The following LAPTM4B variants were observed in gnomAD, a reference collection of about 807,000 sequenced individuals.
LAPTM4B encodes the protein lysosomal-associated transmembrane protein 4B.
A neutral mutation model predicts 28.5 loss-of-function variants in LAPTM4B; 26 were observed. The observed-to-expected ratio is 0.91, with a 90% CI of 0.67 to 1.27. The LOEUF (loss-of-function observed/expected upper bound fraction) is 1.27, where lower values mean the gene tolerates loss of function less well. LAPTM4B is among the 50% of genes most tolerant of loss of function. The probability of loss-of-function intolerance (pLI) is 0.00; values close to 1 mark genes in which losing one functional copy is unlikely to be tolerated. For synonymous variants in LAPTM4B, 109 were observed against 106.4 expected (o/e 1.02, Z -0.15); for missense variants, 288 against 285.8 (o/e 1.01, Z -0.06).
intron 5 of LAPTM4B, among the ~76,000 whole-genome samples, chr8:97,823,432 T>C (rs1160152555): frequency 2.0e-5 from 3 of 149,678 alleles, no homozygotes; most frequent in African/African-American, 4.9e-5. Flanking sequence ...TGGAGTGCAG[T>C]GGCGCAATCT....
In LAPTM4B at chr8:97,816,072, G is replaced by T. The variant is rs1816908189; in HGVS notation, c.300G>T (p.Trp100Cys). Residue 100 changes from tryptophan to cysteine, a missense_variant, in exon 4 of 7, where the codon TGG (tryptophan) becomes TGT (cysteine). Trp to Cys is a radical substitution (Grantham distance 215). Transcript: ENST00000521545. ...GTTCTGTTTAGCAACGCGCAGCCTG[G>T]ATCATCCCATTCTTCTGTTACCAGA... The part of the protein sequence containing the change: ...TYGAYKQRAA[W>C]IIPFFCYQIF... The T allele has an allele frequency of 5.6e-6, 9 of 1,612,898 alleles. No homozygotes were observed. The highest frequency in any genetic ancestry group is 1.3e-5 in the African/African-American group (1 of 74,982).
intron 2 of LAPTM4B, among the ~76,000 whole-genome samples, chr8:97,808,394 G>C (rs1192226191): frequency 6.6e-6 from 1 of 151,880 alleles, no homozygotes; most frequent in East Asian, 2.0e-4. Context: ...TTTGCAGTGA[G>C]CCGAGATCGC....
chr8:97,778,220 C>T (rs1816257291), intron 1 of LAPTM4B, among the ~76,000 whole-genome samples: 1 of 151,942 alleles, frequency 6.6e-6, no homozygotes, highest in Admixed American at 6.6e-5. Flanking sequence ...TTAGGTAAAC[C>T]CTATTTCTGG....
At chr8:97,839,856 G>C (rs1817318197) in intron 6 of LAPTM4B, among the ~76,000 whole-genome samples, 2 of 152,228 alleles carry the variant, frequency 1.3e-5, no homozygotes, top group Non-Finnish European at 2.9e-5. Context: ...TTGTAGGAAA[G>C]GTTTCTGGGA....
At chr8:97,835,320 A>G (rs1817243990) in intron 6 of LAPTM4B, among the ~76,000 whole-genome samples, 1 of 152,130 alleles carries the variant, frequency 6.6e-6, no homozygotes, top group Non-Finnish European at 1.5e-5. Context: ...CAGTATACAT[A>G]TTATTATCCA....
At chr8:97,783,913 C>T (rs1816363599) in intron 1 of LAPTM4B, among the ~76,000 whole-genome samples, 1 of 152,176 alleles carries the variant, frequency 6.6e-6, no homozygotes, top group Non-Finnish European at 1.5e-5. Context: ...CCGTTTCTTG[C>T]TGTTGATCTA....
chr8:97,848,879 A>G (rs1028506820), intron 6 of LAPTM4B, among the ~76,000 whole-genome samples: 3 of 152,168 alleles, frequency 2.0e-5, no homozygotes, highest in East Asian at 3.8e-4. Flanking sequence ...CCTAAAGTCA[A>G]ATATGCACAC....
chr8:97,812,191 G>A (rs182422280), intron 2 of LAPTM4B, among the ~76,000 whole-genome samples: 144 of 146,768 alleles, frequency 9.8e-4, no homozygotes, highest in African/African-American at 3.3e-3. Context: ...TAAAGGATAA[G>A]TAAATTAATT....
At chr8:97,821,325 CA>C (rs35900717) in intron 5 of LAPTM4B, among the ~76,000 whole-genome samples, 2 of 149,964 alleles carry the variant, frequency 1.3e-5, no homozygotes, top group African/African-American at 2.5e-5. Flanking sequence ...GACTCCATCT[CA>C]AAAAAAAATA....
At chr8:97,826,661 A>G (rs1438656825) in intron 6 of LAPTM4B, among the ~76,000 whole-genome samples, 6 of 152,074 alleles carry the variant, frequency 3.9e-5, no homozygotes, top group African/African-American at 1.4e-4. Context: ...GGTGCCCACC[A>G]CCACGCCCGG....
intron 1 of LAPTM4B, among the ~76,000 whole-genome samples, chr8:97,778,310 T>C (rs1217861708): frequency 1.3e-5 from 2 of 152,026 alleles, no homozygotes; most frequent in East Asian, 1.9e-4. Flanking sequence ...TTTCTTTTCT[T>C]TCTTTTTTTT....
At chr8:97,782,040 G>A (rs972858279) in intron 1 of LAPTM4B, among the ~76,000 whole-genome samples, 2 of 150,132 alleles carry the variant, frequency 1.3e-5, no homozygotes, top group Non-Finnish European at 3.0e-5. Flanking sequence ...GAGTGCAATG[G>A]TGCGATCTCG....
chr8:97,782,279 C>CT (rs34322160), intron 1 of LAPTM4B, among the ~76,000 whole-genome samples: 7,970 of 50,260 alleles, frequency 0.16, 2,219 homozygotes, highest in East Asian at 0.57. Context: ...CCATGCCCAG[C>CT]TTTTTTTTTT....
At chr8:97,777,678 G>C (rs904811125) in intron 1 of LAPTM4B, among the ~76,000 whole-genome samples, 1 of 152,214 alleles carries the variant, frequency 6.6e-6, no homozygotes, top group African/African-American at 2.4e-5. Context: ...TTTTTGGCGT[G>C]AAAGTATTTC....
At chr8:97,846,746 G>A (rs1353035819) in intron 6 of LAPTM4B, among the ~76,000 whole-genome samples, 1 of 152,090 alleles carries the variant, frequency 6.6e-6, no homozygotes. Context: ...AAATAGAGAT[G>A]GAGTCTTGCT....
chr8:97,843,019 C>T (rs1408354942), intron 6 of LAPTM4B, among the ~76,000 whole-genome samples: 1 of 152,002 alleles, frequency 6.6e-6, no homozygotes, highest in Non-Finnish European at 1.5e-5. Flanking sequence ...GCTGGGACTA[C>T]AGGCATATGC....
chr8:97,781,172 G>A (rs1178471125), intron 1 of LAPTM4B, among the ~76,000 whole-genome samples: 1 of 150,850 alleles, frequency 6.6e-6, no homozygotes, highest in African/African-American at 2.4e-5. Context: ...GTAGAGATGG[G>A]GTTTCCCCAT....
At chr8:97,811,069 G>A (rs139957214) in intron 2 of LAPTM4B, among the ~76,000 whole-genome samples, 6 of 152,286 alleles carry the variant, frequency 3.9e-5, no homozygotes, top group East Asian at 1.9e-4. Flanking sequence ...GTAAATTACC[G>A]TGCCCCTTCA....
intron 1 of LAPTM4B, among the ~76,000 whole-genome samples, chr8:97,804,295 G>T (rs1349145940): frequency 5.9e-5 from 9 of 152,180 alleles, no homozygotes; most frequent in Non-Finnish European, 1.2e-4. Flanking sequence ...AAGTTAATAT[G>T]TGTGTGTATT....
Sources: gnomAD v4.1 joint callset for allele counts (sites outside exome capture counted in the v4.1 genomes callset) on GRCh38, gnomAD v4.1.1 for gene constraint, MANE v1.5 for transcripts, NCBI Gene and HGNC (gene_info 2026-07-23, HGNC 2026-07-21) for gene names.